Variants in MECOM observed in about 807,000 individuals in gnomAD.
MECOM encodes histone-lysine N-methyltransferase MECOM.
In MECOM, 13 loss-of-function variants were observed where a neutral mutation model predicts 116.3. That is an observed-to-expected ratio of 0.11 (90% CI 0.07 to 0.18). The LOEUF is 0.18. Among genes scored for constraint, MECOM ranks in the 10% least tolerant of loss-of-function variants. The pLI is 1.00. For missense variants in MECOM, 1,299 were observed against 1,509.0 expected, an observed-to-expected ratio of 0.86 and a Z score of 2.31; for synonymous variants, 528 against 535.2, an observed-to-expected ratio of 0.99 and a Z score of 0.19.
chr3:169,109,479 A>G (rs1726593603), intron 9 of MECOM, among the ~76,000 whole-genome samples: 3 of 151,452 alleles, frequency 2.0e-5, no homozygotes, highest in African/African-American at 7.3e-5. Flanking sequence ...CAATGGCACA[A>G]TCTCAGCTCA....
intron 1 of MECOM, among the ~76,000 whole-genome samples, chr3:169,412,351 T>TA (rs1737698166): frequency 6.6e-6 from 1 of 151,894 alleles, no homozygotes; most frequent in African/African-American, 2.4e-5. Flanking sequence ...AAGTTTTTTT[T>TA]AAATTTATTT....
chr3:169,396,393 C>T (rs548983322), intron 1 of MECOM, among the ~76,000 whole-genome samples: 2 of 152,186 alleles, frequency 1.3e-5, no homozygotes, highest in Non-Finnish European at 2.9e-5. Context: ...GTGGCTATTT[C>T]CAATTGGGAT....
chr3:169,404,552 C>A (rs548690737), intron 1 of MECOM, among the ~76,000 whole-genome samples: 1 of 152,310 alleles, frequency 6.6e-6, no homozygotes, highest in African/African-American at 2.4e-5. Flanking sequence ...GTACAGTGAT[C>A]CCACACTGTT....
chr3:169,654,472 C>G (rs1775285471), intron 1 of MECOM, among the ~76,000 whole-genome samples: 1 of 152,142 alleles, frequency 6.6e-6, no homozygotes, highest in African/African-American at 2.4e-5. Context: ...GACATTACAT[C>G]TGGACTCTCC....
At chr3:169,201,478 T>C (rs908486396) in intron 2 of MECOM, among the ~76,000 whole-genome samples, 2 of 152,124 alleles carry the variant, frequency 1.3e-5, no homozygotes, top group African/African-American at 4.8e-5. Context: ...TTACGCTAGC[T>C]ACTTAGGAAC....
At chr3:169,264,105 A>G (rs191414451) in intron 2 of MECOM, among the ~76,000 whole-genome samples, 150 of 152,364 alleles carry the variant, frequency 9.8e-4, no homozygotes, top group Non-Finnish European at 1.7e-3. Flanking sequence ...TCAAAACCTG[A>G]AATCTAAGTG....
intron 1 of MECOM, among the ~76,000 whole-genome samples, chr3:169,640,975 T>C (rs191870469): frequency 6.6e-6 from 1 of 152,306 alleles, no homozygotes; most frequent in African/African-American, 2.4e-5. Flanking sequence ...GCATGAAGCC[T>C]TTGGCCACCC....
chr3:169,659,088 A>AAAAAAAAAAGAAAAG (rs1553909425), intron 1 of MECOM, among the ~76,000 whole-genome samples: 51 of 151,008 alleles, frequency 3.4e-4, no homozygotes, highest in African/African-American at 1.2e-3. Flanking sequence ...AAAAAAAAAA[A>AAAAAAAAAAGAAAAG]AAAGAAAGAG....
intron 2 of MECOM, among the ~76,000 whole-genome samples, chr3:169,154,043 A>G (rs555726431): frequency 6.6e-6 from 1 of 152,234 alleles, no homozygotes; most frequent in East Asian, 1.9e-4. Flanking sequence ...GAAGGGAAGA[A>G]TTTTAAGAAA....
chr3:169,490,724 T>G (rs1268362404), intron 1 of MECOM, among the ~76,000 whole-genome samples: 3 of 152,172 alleles, frequency 2.0e-5, no homozygotes, highest in African/African-American at 7.2e-5. Flanking sequence ...ACACCAACTT[T>G]AGGATATAGG....
intron 2 of MECOM, among the ~76,000 whole-genome samples, chr3:169,170,185 G>C (rs1744191181): frequency 6.6e-6 from 1 of 151,928 alleles, no homozygotes; most frequent in Non-Finnish European, 1.5e-5. Context: ...GGCCAAGGCG[G>C]GTGGATCACG....
chr3:169,257,728 G>A (rs949517159), intron 2 of MECOM, among the ~76,000 whole-genome samples: 1 of 151,898 alleles, frequency 6.6e-6, no homozygotes, highest in Non-Finnish European at 1.5e-5. Flanking sequence ...TTTTTCCATC[G>A]GGCACATAAT....
chr3:169,522,965 G>A (rs1757527730), intron 1 of MECOM, among the ~76,000 whole-genome samples: 1 of 152,198 alleles, frequency 6.6e-6, no homozygotes, highest in Non-Finnish European at 1.5e-5. Flanking sequence ...CTGATTAGCT[G>A]TGTTTGCAAG....
intron 7 of MECOM, among the ~76,000 whole-genome samples, chr3:169,118,365 C>T (rs550174831): frequency 1.3e-5 from 2 of 152,114 alleles, no homozygotes; most frequent in Admixed American, 1.3e-4. Context: ...TGGGTGATAT[C>T]TTTTCAAATT....
chr3:169,185,792 T>G (rs1746623165), intron 2 of MECOM, among the ~76,000 whole-genome samples: 1 of 152,244 alleles, frequency 6.6e-6, no homozygotes, highest in Non-Finnish European at 1.5e-5. Flanking sequence ...AAGCATCTAA[T>G]GCCAGGCTGA....
intron 1 of MECOM, among the ~76,000 whole-genome samples, chr3:169,417,522 A>C (rs935715879): frequency 1.3e-5 from 2 of 152,026 alleles, no homozygotes; most frequent in Admixed American, 1.3e-4. Flanking sequence ...ACTGTAAACT[A>C]GTTCAACCAT....
intron 2 of MECOM, among the ~76,000 whole-genome samples, chr3:169,368,390 T>C (rs1729530926): frequency 6.6e-6 from 1 of 152,198 alleles, no homozygotes; most frequent in South Asian, 2.1e-4. Flanking sequence ...ATTCTATCAA[T>C]GTAAATAAAC....
At chr3:169,434,412 A>G (rs1349681200) in intron 1 of MECOM, among the ~76,000 whole-genome samples, 1 of 140,318 alleles carries the variant, frequency 7.1e-6, no homozygotes, top group Non-Finnish European at 1.5e-5. Flanking sequence ...AGCACAGTGG[A>G]GAGGTAAAAT....
intron 1 of MECOM, chr3:169,389,608 T>G: frequency 1.0e-6 from 1 of 985,198 alleles, no homozygotes; most frequent in Non-Finnish European, 1.2e-6. Context: ...CCCAAAGTGA[T>G]TTTCCTTCAG....
Sources: gnomAD v4.1 joint callset for allele counts (sites outside exome capture counted in the v4.1 genomes callset) on GRCh38, gnomAD v4.1.1 for gene constraint, MANE v1.5 for transcripts, NCBI Gene and HGNC (gene_info 2026-07-23, HGNC 2026-07-21) for gene names.